Variants in ODAD4 observed in about 807,000 individuals in gnomAD.
The protein encoded by ODAD4 is outer dynein arm-docking complex subunit 4.
In ODAD4, 49 loss-of-function variants were observed where a neutral mutation model predicts 51.8. The observed-to-expected ratio is 0.95, with a 90% CI of 0.75 to 1.20. The LOEUF (loss-of-function observed/expected upper bound fraction) is 1.20, where lower values mean the gene tolerates loss of function less well. Ranked by LOEUF, ODAD4 falls within the 50% of genes most tolerant of loss-of-function variation. The pLI is 0.00. For synonymous variants in ODAD4, 235 were observed against 221.3 expected (o/e 1.06, Z -0.55); for missense variants, 590 against 586.5 (o/e 1.01, Z -0.06).
intron 11 of ODAD4, among the ~76,000 whole-genome samples, chr17:41,963,798 CCT>C (rs2144547329): frequency 6.8e-6 from 1 of 147,746 alleles, no homozygotes; most frequent in East Asian, 2.0e-4. Context: ...TGGAGTCTCC[CCT>C]CTGTTACCCA....
chr17:41,935,217 G>A lies in ODAD4; in HGVS notation c.115G>A (p.Ala39Thr), dbSNP rs1206643693. 2 of 1,613,842 alleles carry A rather than the reference G, an allele frequency of 1.2e-6. No homozygotes were observed. The highest frequency in any genetic ancestry group is 4.5e-5 in the East Asian group (2 of 44,888). ...FSKAAQSFSN[A>T]LYLQDGDKNC... ...TCAACCTGACTGGTTTCTTTGTCAGGCTCTTTACCTTCAGGATGGAGACAA... is the reference window on the plus strand; with the variant it reads ...TCAACCTGACTGGTTTCTTTGTCAGACTCTTTACCTTCAGGATGGAGACAA... The change falls in exon 2 of 12, where the codon GCT (alanine) becomes ACT (threonine). Residue 39 changes from alanine to threonine, a missense_variant and splice_region_variant. Coordinates refer to ENST00000377540, the MANE Select transcript of ODAD4 (RefSeq NM_031421.5).
At position 41,930,821 on chromosome 17, in the gene ODAD4, C is replaced by T. The variant is rs2050318464; in HGVS notation, c.98C>T (p.Ala33Val). 1.3e-6 allele frequency: 2 copies of T among 1,582,140 alleles called. No homozygotes were observed. The highest frequency in any genetic ancestry group is 1.4e-5 in the African/African-American group (1 of 73,514). Residue 33 changes from alanine to valine, a missense_variant, in exon 1 of 12, where the codon GCG (alanine) becomes GTG (valine). By Grantham distance (64) the Ala-to-Val change is moderately conservative. This residue lies in a region of ODAD4 where 360 missense variants were observed against 407.5 expected (regional missense o/e 0.88). Coordinates refer to ENST00000377540, the MANE Select transcript of ODAD4 (RefSeq NM_031421.5). Reference protein sequence around the residue: ...LYLCGEFSKAAQSFSNALYLQ... With the variant: ...LYLCGEFSKAVQSFSNALYLQ... ...CTGTGCGGGGAATTTTCTAAAGCCGCGCAGAGCTTCAGCAACGTGAGTCGA... is the reference window on the plus strand; with the variant it reads ...CTGTGCGGGGAATTTTCTAAAGCCGTGCAGAGCTTCAGCAACGTGAGTCGA...
chr17:41,939,625 T>C (rs1328706815), intron 7 of ODAD4, among the ~76,000 whole-genome samples: 1 of 152,038 alleles, frequency 6.6e-6, no homozygotes, highest in Non-Finnish European at 1.5e-5. Flanking sequence ...TGGTGAGAAA[T>C]ACATTCCAGG....
chr17:41,935,836 C>G, intron 3 of ODAD4, 87 bp downstream of exon 3: 1 of 1,480,518 alleles, frequency 6.8e-7, no homozygotes, highest in South Asian at 1.2e-5. Flanking sequence ...AGCAGGTGAG[C>G]AGCCACCACC....
rs2050311291 is a variant in ODAD4, at chr17:41,930,644, C to G, written c.-80C>G. ...TGTACATCTCATGGTTGCTAAGAAACGGAGCTTCCACAAACCAGATAGAGG... is the reference window on the plus strand; with the variant it reads ...TGTACATCTCATGGTTGCTAAGAAAGGGAGCTTCCACAAACCAGATAGAGG... On this transcript the variant is annotated 5_prime_UTR_variant, in exon 1 of 12. Transcript: ENST00000377540. The G allele has an allele frequency of 3.2e-6, 3 of 923,188 alleles. No homozygotes were observed. Among genetic ancestry groups the G allele is most frequent in the Non-Finnish European group, 3.4e-6 (2 of 589,346 alleles). 57.2% of individuals were successfully genotyped at this position (923,188 alleles called of 1,614,324 possible).
chr17:41,950,301 G>A (rs1178993649), intron 9 of ODAD4, among the ~76,000 whole-genome samples: 1 of 151,860 alleles, frequency 6.6e-6, no homozygotes, highest in Non-Finnish European at 1.5e-5. Flanking sequence ...TATGATGTAG[G>A]TAGGCATTAT....
intron 11 of ODAD4, among the ~76,000 whole-genome samples, chr17:41,964,056 C>G (rs548616159): frequency 4.1e-5 from 6 of 148,064 alleles, no homozygotes; most frequent in African/African-American, 1.5e-4. Flanking sequence ...GCCACCACTC[C>G]CGGTTAATTT....
At position 41,965,996 on chromosome 17, in the gene ODAD4, G is replaced by A. The variant is rs2050881062; in HGVS notation, c.*513G>A. Among the ~76,000 whole-genome samples, 1 of 152,214 alleles carries A rather than the reference G, an allele frequency of 6.6e-6. No homozygotes were observed. The highest frequency in any genetic ancestry group is 2.1e-4 in the South Asian group (1 of 4,828). The stretch of plus-strand genomic sequence containing the variant: ...GATAGGGGAGTGGCCTGGGAGTCGG[G>A]AGGGCAGACAGACTCCGCCTCTGAC... On this transcript the variant is annotated 3_prime_UTR_variant, in exon 12 of 12. Transcript: ENST00000377540.
chr17:41,938,870 C>T, intron 6 of ODAD4, 89 bp downstream of exon 6: 2 of 1,574,736 alleles, frequency 1.3e-6, no homozygotes, highest in African/African-American at 1.3e-5. Flanking sequence ...CCCCTGGTCT[C>T]TCAGACCTGC....
rs782726308 is a variant in ODAD4, at chr17:41,930,781, G to A, written c.58G>A (p.Gly20Ser). 1 of 1,609,784 alleles carries A rather than the reference G, an allele frequency of 6.2e-7. No individual in the cohort carries two copies. The highest frequency in any genetic ancestry group is 8.5e-7 in the Non-Finnish European group (1 of 1,178,064). The change falls in exon 1 of 12, where the codon GGC becomes AGC. Residue 20 changes from glycine to serine, a missense_variant. Gly to Ser is a moderately conservative substitution (Grantham distance 56). Around this residue, in one of 3 missense-constraint regions of ODAD4, gnomAD observed 360 missense variants for 407.5 expected, o/e 0.88. Coordinates refer to ENST00000377540, the MANE Select transcript of ODAD4 (RefSeq NM_031421.5). The stretch of plus-strand genomic sequence containing the variant: ...CACCTTTCCCTCTTATATGGCCGAA[G>A]GCGAGCGGCTCTACCTGTGCGGGGA... ...RSTFPSYMAE[G>S]ERLYLCGEFS... is the part of the protein sequence containing the mutation.
intron 11 of ODAD4, among the ~76,000 whole-genome samples, chr17:41,964,747 G>A (rs1017768608): frequency 1.3e-5 from 2 of 152,004 alleles, no homozygotes; most frequent in African/African-American, 2.4e-5. Flanking sequence ...GGGCTCAAGC[G>A]ATTCTTCTGC....
intron 10 of ODAD4, among the ~76,000 whole-genome samples, chr17:41,958,560 G>A (rs1397663722): frequency 6.6e-6 from 1 of 151,538 alleles, no homozygotes; most frequent in Non-Finnish European, 1.5e-5. Context: ...TACTTGGGAG[G>A]CTGAGGCAGG....
Position 41,949,224 on chromosome 17 carries a change from G to T in ODAD4, c.1217G>T (p.Cys406Phe). ...TGGCTGTTCCACGAGATCGGCCGCTGCTACTTGGAGCTGGACCAGGCCTGG... is the reference window on the plus strand; with the variant it reads ...TGGCTGTTCCACGAGATCGGCCGCTTCTACTTGGAGCTGGACCAGGCCTGG... ...KTWLFHEIGR[C>F]YLELDQAWQA... The change falls in exon 9 of 12, where the codon TGC becomes TTC. Residue 406 changes from cysteine (C) to phenylalanine (F), a missense_variant. By Grantham distance (205) the Cys-to-Phe change is radical. Coordinates refer to ENST00000377540, the MANE Select transcript of ODAD4 (RefSeq NM_031421.5). The T allele has an allele frequency of 5.0e-6, 2 of 398,602 alleles. No homozygotes were observed. Among genetic ancestry groups the T allele is most frequent in the Non-Finnish European group, 8.8e-6 (2 of 226,094 alleles). 24.7% of individuals were successfully genotyped at this position (398,602 alleles called of 1,614,324 possible). A position where few individuals can be genotyped will look rare whatever the true frequency, so the allele number is the denominator to read the frequency against.
chr17:41,964,907 T>G, intron 11 of ODAD4, 86 bp from the exon 12 acceptor site: 1 of 616,212 alleles, frequency 1.6e-6, no homozygotes, highest in East Asian at 2.7e-5. Context: ...CCTCCCAAAG[T>G]GCTGAGATTA....
chr17:41,957,372 T>G (rs934271368), intron 10 of ODAD4, among the ~76,000 whole-genome samples: 2 of 152,108 alleles, frequency 1.3e-5, no homozygotes, highest in Non-Finnish European at 2.9e-5. Flanking sequence ...ATCCCTCACG[T>G]GCCGTTCACA....
chr17:41,951,816 G>C (rs922692756), intron 9 of ODAD4, among the ~76,000 whole-genome samples: 1 of 148,616 alleles, frequency 6.7e-6, no homozygotes, highest in Non-Finnish European at 1.5e-5. Flanking sequence ...TCCAGGAGGC[G>C]GAGGTTGCAG....
chr17:41,954,794 G>A (rs540216141), intron 9 of ODAD4, among the ~76,000 whole-genome samples: 2 of 150,466 alleles, frequency 1.3e-5, no homozygotes, highest in South Asian at 4.2e-4. Context: ...AGGTTGCAGT[G>A]AGCCGAGATT....
intron 7 of ODAD4, among the ~76,000 whole-genome samples, chr17:41,944,057 C>T (rs201434784): frequency 2.6e-4 from 39 of 152,186 alleles, no homozygotes; most frequent in African/African-American, 8.9e-4. Flanking sequence ...ATTAGCCAGG[C>T]GTGGTGGCAC....
chr17:41,938,240 T>C (rs1183425476), intron 5 of ODAD4, among the ~76,000 whole-genome samples: 2 of 152,172 alleles, frequency 1.3e-5, no homozygotes, highest in Non-Finnish European at 1.5e-5. Flanking sequence ...CTCAGTGTTA[T>C]CTGAGGACAC....
Sources: allele counts gnomAD v4.1 joint callset (sites outside exome capture counted in the v4.1 genomes callset), GRCh38; gene constraint gnomAD v4.1.1; regional missense constraint gnomAD v4.1.1; transcripts MANE v1.5; gene names NCBI Gene and HGNC (gene_info 2026-07-23, HGNC 2026-07-21).